Variants in RANBP2 observed in about 807,000 individuals in gnomAD.
RANBP2 encodes the protein RAN binding protein 2.
A neutral mutation model predicts 303.6 loss-of-function variants in RANBP2; 57 were observed. The ratio of observed to expected loss-of-function variants is 0.19; its 90% CI spans 0.15 to 0.23. The LOEUF is 0.23. Ranked by LOEUF, RANBP2 falls within the 10% of genes least tolerant of loss-of-function variation. The probability of loss-of-function intolerance (pLI) is 1.00; values close to 1 mark genes in which losing one functional copy is unlikely to be tolerated. For synonymous variants in RANBP2, 1,167 were observed against 1,301.5 expected (o/e 0.90, Z 2.23); for missense variants, 3,138 against 3,780.8 (o/e 0.83, Z 4.46).
the RANBP2 span, among the ~76,000 whole-genome samples, chr2:109,442,930 CA>C: frequency 6.6e-6 from 1 of 152,114 alleles, no homozygotes; most frequent in African/African-American, 2.4e-5. Context: ...TTACTAAAAA[CA>C]AACAAAAAAC....
the RANBP2 span, among the ~76,000 whole-genome samples, chr2:109,262,248 A>C: frequency 2.0e-5 from 3 of 152,246 alleles, no homozygotes; most frequent in Middle Eastern, 3.2e-3. Context: ...CTGAGGCTTG[A>C]AAGCTTGGAG....
chr2:109,191,537 G>A, the RANBP2 span, among the ~76,000 whole-genome samples: 1 of 152,216 alleles, frequency 6.6e-6, no homozygotes, highest in Non-Finnish European at 1.5e-5. Flanking sequence ...CCCCTCCTGA[G>A]AGTCTGCTCA....
At chr2:108,740,721 A>C (rs1232617353) in intron 7 of RANBP2, 40 bp downstream of exon 7, 2 of 1,597,304 alleles carry the variant, frequency 1.3e-6, no homozygotes, top group East Asian at 4.5e-5. Flanking sequence ...CATTTCACTG[A>C]GTCTTGATGT....
the RANBP2 span, among the ~76,000 whole-genome samples, chr2:108,923,783 G>A: frequency 2.0e-5 from 3 of 152,224 alleles, no homozygotes; most frequent in Non-Finnish European, 2.9e-5. Flanking sequence ...CACATGTAGG[G>A]CCTGCTTAGC....
chr2:109,508,161 G>A, the RANBP2 span, among the ~76,000 whole-genome samples: 1 of 152,146 alleles, frequency 6.6e-6, no homozygotes, highest in Non-Finnish European at 1.5e-5. Flanking sequence ...TGCAAAAATA[G>A]GCCTGCTCCT....
the RANBP2 span, among the ~76,000 whole-genome samples, chr2:109,078,097 TATA>T: frequency 8.8e-5 from 5 of 57,138 alleles, no homozygotes; most frequent in East Asian, 2.2e-3. Context: ...TATATATATA[TATA>T]TATATATATA....
the RANBP2 span, chr2:108,896,785 A>G: frequency 1.0e-6 from 1 of 960,418 alleles, no homozygotes; most frequent in Non-Finnish European, 1.6e-6. Context: ...GAACATCCTA[A>G]GGCATACGGT....
At chr2:108,841,100 T>C in the RANBP2 span, among the ~76,000 whole-genome samples, 1 of 152,144 alleles carries the variant, frequency 6.6e-6, no homozygotes, top group Non-Finnish European at 1.5e-5. Flanking sequence ...CCTCCCAAAG[T>C]ACTGGGATTA....
the RANBP2 span, among the ~76,000 whole-genome samples, chr2:109,178,546 G>A: frequency 2.0e-5 from 3 of 152,114 alleles, no homozygotes; most frequent in Non-Finnish European, 4.4e-5. Flanking sequence ...TTTTATTTAT[G>A]TCAACTCTTT....
chr2:109,594,354 G>A, the RANBP2 span, among the ~76,000 whole-genome samples: 2 of 152,108 alleles, frequency 1.3e-5, no homozygotes, highest in Non-Finnish European at 2.9e-5. Context: ...ATAGCTCAGC[G>A]CTCTTCCCGA....
the RANBP2 span, among the ~76,000 whole-genome samples, chr2:109,474,276 A>T: frequency 2.6e-5 from 4 of 152,128 alleles, no homozygotes; most frequent in Non-Finnish European, 4.4e-5. Context: ...TGGGAGAAAG[A>T]GCTGAAGTTT....
At chr2:109,587,898 G>A in the RANBP2 span, among the ~76,000 whole-genome samples, 1 of 150,636 alleles carries the variant, frequency 6.6e-6, no homozygotes. Context: ...GGGTGACAGA[G>A]CAAGACTCCA....
At chr2:109,539,191 G>A in the RANBP2 span, among the ~76,000 whole-genome samples, 26 of 152,048 alleles carry the variant, frequency 1.7e-4, no homozygotes, top group African/African-American at 3.9e-4. Flanking sequence ...CCAACTATTC[G>A]GAAGGCTGGG....
chr2:109,260,668 C>T, the RANBP2 span, among the ~76,000 whole-genome samples: 5 of 152,116 alleles, frequency 3.3e-5, no homozygotes, highest in Non-Finnish European at 7.3e-5. Flanking sequence ...CAATGGAGGC[C>T]CATGGGAGAA....
chr2:109,569,215 G>T, the RANBP2 span, among the ~76,000 whole-genome samples: 7 of 152,198 alleles, frequency 4.6e-5, no homozygotes, highest in African/African-American at 1.7e-4. Context: ...GGTCACCTGA[G>T]GTCGGGAGTT....
the RANBP2 span, among the ~76,000 whole-genome samples, chr2:108,891,387 C>G: frequency 1.3e-5 from 2 of 152,282 alleles, no homozygotes; most frequent in African/African-American, 4.8e-5. Flanking sequence ...GGCTTTGATT[C>G]TGGATGCACG....
chr2:109,412,113 C>T, the RANBP2 span, among the ~76,000 whole-genome samples: 12 of 152,200 alleles, frequency 7.9e-5, no homozygotes, highest in Non-Finnish European at 1.5e-4. Flanking sequence ...GCAGGGCAGT[C>T]GGTGGATGCC....
At chr2:109,397,236 C>G in the RANBP2 span, among the ~76,000 whole-genome samples, 2 of 152,198 alleles carry the variant, frequency 1.3e-5, no homozygotes, top group Admixed American at 6.5e-5. Flanking sequence ...TCCTCCTGCC[C>G]TGAGCTCTGT....
chr2:109,481,809 T>C, the RANBP2 span, among the ~76,000 whole-genome samples: 2 of 152,164 alleles, frequency 1.3e-5, no homozygotes, highest in East Asian at 3.9e-4. Context: ...ATGAGAATCC[T>C]GTCTTGAGGA....
Sources: gnomAD v4.1 joint callset for allele counts (sites outside exome capture counted in the v4.1 genomes callset) on GRCh38, gnomAD v4.1.1 for gene constraint, MANE v1.5 for transcripts, NCBI Gene and HGNC (gene_info 2026-07-23, HGNC 2026-07-21) for gene names.